The following SHISA3 variants were observed in gnomAD, a reference collection of about 807,000 sequenced individuals.
The protein encoded by SHISA3 is protein shisa-3 homolog.
In SHISA3, 15 loss-of-function variants were observed where a neutral mutation model predicts 19.2. The ratio of observed to expected loss-of-function variants is 0.78; its 90% confidence interval spans 0.52 to 1.20. The LOEUF is 1.20. SHISA3 is among the 50% of genes most tolerant of loss of function. SHISA3 has a pLI of 0.00. For missense variants in SHISA3, 327 were observed against 315.7 expected, an observed-to-expected ratio of 1.04 and a Z score of -0.27; for synonymous variants, 145 against 135.2, an observed-to-expected ratio of 1.07 and a Z score of -0.50.
At position 42,399,229 on chromosome 4, in the gene SHISA3, G is replaced by A. The variant is rs1454339608; in HGVS notation, c.277+896G>A. 2.0e-5 allele frequency among the ~76,000 whole-genome samples: 3 copies of A among 152,166 alleles called. No homozygotes were observed. The East Asian group carries it at 5.8e-4, about 29-fold the overall frequency. ...CACCCCAGGACTCCAGAGAGCCGAG[G>A]TCTGGAGCCCGCAAGAGAAGGTCGC... On this transcript the variant is annotated intron_variant, in intron 1 of 1. Coordinates refer to ENST00000319234, the MANE Select transcript of SHISA3 (RefSeq NM_001080505.3).
chr4:42,401,032 C>G lies in SHISA3; in HGVS notation c.298C>G (p.Leu100Val), dbSNP rs767967783. 2 of 1,614,150 alleles carry G rather than the reference C, an allele frequency of 1.2e-6. No individual in the cohort carries two copies. The highest frequency in any genetic ancestry group is 2.2e-5 in the East Asian group (1 of 44,882). ...ITAQPVYVPF[L>V]IVGSIFIAFI... ...TTTAGAGCCTGTCTACGTCCCCTTT[C>G]TCATCGTCGGCTCCATCTTCATTGC... The change falls in exon 2 of 2, where the codon CTC becomes GTC. Residue 100 changes from leucine (L) to valine (V), a missense_variant. Transcript: ENST00000319234.
chr4:42,401,566 G>A lies in SHISA3; in HGVS notation c.*115G>A. 1.8e-6 allele frequency: 2 copies of A among 1,139,494 alleles called. No individual in the cohort carries two copies. 70.6% of individuals were successfully genotyped at this position (1,139,494 alleles called of 1,614,324 possible). A position where few individuals can be genotyped will look rare whatever the true frequency, so the allele number is the denominator to read the frequency against. Reference sequence around the variant, plus strand: ...CCTTGTAACTGATCAGTGTCATGGAGGAGCATGCTAGGAAAACACAGCACC... The same window carrying A: ...CCTTGTAACTGATCAGTGTCATGGAAGAGCATGCTAGGAAAACACAGCACC... On this transcript the variant is annotated 3_prime_UTR_variant, in exon 2 of 2. Coordinates refer to ENST00000319234, the MANE Select transcript of SHISA3 (RefSeq NM_001080505.3).
In SHISA3 at chr4:42,398,161, G is replaced by A. The variant is rs1432171377; in HGVS notation, c.105G>A (p.Gln35=). 6.2e-7 allele frequency: 1 copy of A among 1,606,990 alleles called. No individual in the cohort carries two copies. The highest frequency in any genetic ancestry group is 1.3e-5 in the African/African-American group (1 of 74,874). ...ACTGCCACGGCTGGGTGGACGTGCA[G>A]GGCAACTACCACGAGGGCTTCCAGT... The part of the protein sequence containing the change: ...GEYCHGWVDV[Q]GNYHEGFQCP... The change falls in exon 1 of 2, where the codon CAG becomes CAA. Residue 35 remains glutamine (Q), a synonymous_variant. Coordinates refer to ENST00000319234, the MANE Select transcript of SHISA3 (RefSeq NM_001080505.3).
rs1247378846 is a variant in SHISA3 at position 42,401,395 on chromosome 4, CT to C, written c.662del (p.Leu221ProfsTer24). On this transcript the variant is annotated frameshift_variant, in exon 2 of 2. Coordinates refer to ENST00000319234, the MANE Select transcript of SHISA3 (RefSeq NM_001080505.3). LOFTEE classifies it high-confidence loss of function. Reference protein sequence around the residue: ...LVSPQYFAYPLQQEPPLPGKS... With the variant: ...LVSPQYFAYPXQQEPPLPGKS... ...GTCACCCCAGTATTTCGCTTACCCC[CT>C]CCAGCAGGAGCCCCCACTGCCTGGG... The C allele has an allele frequency of 1.2e-6, 2 of 1,608,598 alleles. No homozygotes were observed. Among genetic ancestry groups the C allele is most frequent in the South Asian group, 2.2e-5 (2 of 89,444 alleles).
chr4:42,399,378 T>TG (rs1342341895), intron 1 of SHISA3, among the ~76,000 whole-genome samples: 1 of 152,146 alleles, frequency 6.6e-6, no homozygotes, highest in Non-Finnish European at 1.5e-5. Flanking sequence ...GGGTGAATGT[T>TG]GGGGGTCAAC....
At chr4:42,398,461 G>A in intron 1 of SHISA3, 128 bp downstream of exon 1, 3 of 1,022,784 alleles carry the variant, frequency 2.9e-6, no homozygotes, top group Non-Finnish European at 4.1e-6. Flanking sequence ...AGGGGGACGC[G>A]GCCGGGTGGG....
rs1241573689 is a variant in SHISA3, at chr4:42,401,663, CAT to C, written c.*213_*214del. 1.1e-5 allele frequency: 6 copies of C among 529,958 alleles called. No homozygotes were observed. Among genetic ancestry groups the C allele is most frequent in the South Asian group, 3.7e-5 (1 of 27,046 alleles). The allele number at this position is 529,958 out of a possible 1,614,324, so 32.8% of individuals were successfully genotyped here. A position where few individuals can be genotyped will look rare whatever the true frequency, so the allele number is the denominator to read the frequency against. On this transcript the variant is annotated 3_prime_UTR_variant, in exon 2 of 2. Transcript: ENST00000319234. ...GAGAACTGTTTTCTGGTTTTGCAAA[CAT>C]GTGATCATTACATTTCAATCTATGC...
intron 1 of SHISA3, among the ~76,000 whole-genome samples, chr4:42,398,868 C>G (rs946086817): frequency 6.6e-6 from 1 of 152,108 alleles, no homozygotes; most frequent in Admixed American, 6.5e-5. Flanking sequence ...GCCACGGCCC[C>G]GTTCTGCAGA....
rs779971056 is a variant in SHISA3, at chr4:42,398,375, C to A, written c.277+42C>A. ...CGGGGACATATCCCCGCCCGCCTAA[C>A]GGCGGCGGCTGCATGTGTGCGCGGG... is the stretch of plus-strand genomic sequence containing the variant. On this transcript the variant is annotated intron_variant, in intron 1 of 1. Coordinates refer to ENST00000319234, the MANE Select transcript of SHISA3 (RefSeq NM_001080505.3). 17 of 1,472,300 alleles carry A rather than the reference C, an allele frequency of 1.2e-5. No homozygotes were observed. The African/African-American group carries it at 1.8e-4, about 16-fold the overall frequency. The allele number at this position is 1,472,300 out of a possible 1,614,324, so 91.2% of individuals were successfully genotyped here. A position where few individuals can be genotyped will look rare whatever the true frequency, so the allele number is the denominator to read the frequency against.
In SHISA3 at chr4:42,401,431, C is replaced by T. The variant is rs763677740; in HGVS notation, c.697C>T (p.Pro233Ser). The T allele has an allele frequency of 2.5e-5, 39 of 1,582,746 alleles. 1 individual carries two copies. In the South Asian group the frequency reaches 4.3e-4, roughly 17 times the overall value. The change falls in exon 2 of 2, where the codon CCA (proline) becomes TCA (serine). Residue 233 changes from proline to serine, a missense_variant. By Grantham distance (74) the Pro-to-Ser change is moderately conservative. Coordinates refer to ENST00000319234, the MANE Select transcript of SHISA3 (RefSeq NM_001080505.3). Reference sequence around the variant, plus strand: ...GCCCCCACTGCCTGGGAAGAGCTGTCCAGACTTCAGTTCCAGTTGACACGC... The same window carrying T: ...GCCCCCACTGCCTGGGAAGAGCTGTTCAGACTTCAGTTCCAGTTGACACGC... ...QEPPLPGKSC[P>S]DFSSS
intron 1 of SHISA3, among the ~76,000 whole-genome samples, chr4:42,399,894 G>A (rs1216401864): frequency 6.6e-6 from 1 of 152,168 alleles, no homozygotes; most frequent in Non-Finnish European, 1.5e-5. Flanking sequence ...AGAATGGGAG[G>A]GACACAGAAG....
rs117274741 is a variant in SHISA3 at position 42,399,544 on chromosome 4, A to G, written c.277+1211A>G. ...GGGGACCCAGCTGCCCTCTGGGAGTAAGTGCAATTGCCCAGTCTGCAGCAC... is the reference window on the plus strand; with the variant it reads ...GGGGACCCAGCTGCCCTCTGGGAGTGAGTGCAATTGCCCAGTCTGCAGCAC... On this transcript the variant is annotated intron_variant, in intron 1 of 1. Transcript: ENST00000319234. 2.1e-4 allele frequency among the ~76,000 whole-genome samples: 32 copies of G among 152,312 alleles called. No individual in the cohort carries two copies. The East Asian group carries it at 5.4e-3, about 26-fold the overall frequency.
chr4:42,401,069 T>G lies in SHISA3; in HGVS notation c.335T>G (p.Leu112Arg). 1 of 1,614,224 alleles carries G rather than the reference T, an allele frequency of 6.2e-7. No individual in the cohort carries two copies. Among genetic ancestry groups the G allele is most frequent in the Non-Finnish European group, 8.5e-7 (1 of 1,180,044 alleles). Residue 112 changes from leucine (L) to arginine (R), a missense_variant, in exon 2 of 2, where the codon CTG (leucine) becomes CGG (arginine). Coordinates refer to ENST00000319234, the MANE Select transcript of SHISA3 (RefSeq NM_001080505.3). ...VGSIFIAFII[L>R]GSVVAIYCCT... ...TCCATCTTCATTGCGTTCATCATCC[T>G]GGGCTCTGTAGTGGCTATTTATTGT... is the stretch of plus-strand genomic sequence containing the variant.
At chr4:42,399,952 A>G (rs1483157075) in intron 1 of SHISA3, among the ~76,000 whole-genome samples, 1 of 152,232 alleles carries the variant, frequency 6.6e-6, no homozygotes, top group Non-Finnish European at 1.5e-5. Context: ...CCTGTCCCTC[A>G]CTAGCTCTGT....
rs1711792641 is a variant in SHISA3 at position 42,398,017 on chromosome 4, G to T, written c.-40G>T. On this transcript the variant is annotated 5_prime_UTR_variant, in exon 1 of 2. Coordinates refer to ENST00000319234, the MANE Select transcript of SHISA3 (RefSeq NM_001080505.3). ...CCCGGGCTCAGCCCTTCGCTTTCCA[G>T]CTGCGTCCTGCTCCCGGCCGCCCAG... 4 of 1,490,986 alleles carry T rather than the reference G, an allele frequency of 2.7e-6. No homozygotes were observed. Among genetic ancestry groups the T allele is most frequent in the Non-Finnish European group, 2.7e-6 (3 of 1,123,548 alleles). The allele number at this position is 1,490,986 out of a possible 1,614,324, so 92.4% of individuals were successfully genotyped here. A position where few individuals can be genotyped will look rare whatever the true frequency, so the allele number is the denominator to read the frequency against.
Position 42,401,444 on chromosome 4 carries a change from C to G in SHISA3, c.710C>G (p.Ser237Cys), listed in dbSNP as rs1050710155. 1 of 1,569,112 alleles carries G rather than the reference C, an allele frequency of 6.4e-7. No individual in the cohort carries two copies. The highest frequency in any genetic ancestry group is 8.6e-7 in the Non-Finnish European group (1 of 1,158,664). ...GGGAAGAGCTGTCCAGACTTCAGTT[C>G]CAGTTGACACGCCCAGGCCATGAAT... is the stretch of plus-strand genomic sequence containing the variant. The part of the protein sequence containing the change: ...LPGKSCPDFS[S>C]S Residue 237 changes from serine (S) to cysteine (C), a missense_variant, in exon 2 of 2, where the codon TCC becomes TGC. Physicochemically the swap from Ser to Cys is moderately radical, Grantham distance 112. Coordinates refer to ENST00000319234, the MANE Select transcript of SHISA3 (RefSeq NM_001080505.3).
chr4:42,397,963 GGGGA>G lies in SHISA3; in HGVS notation c.-91_-88del. On this transcript the variant is annotated 5_prime_UTR_variant, in exon 1 of 2. Coordinates refer to ENST00000319234, the MANE Select transcript of SHISA3 (RefSeq NM_001080505.3). ...GGCCAGCAGCTTGCGACGTGTCCCT[GGGGA>G]GGCGGAATCGCTGTGCGCCCTGAGC... 1 of 1,261,298 alleles carries G rather than the reference GGGGA, an allele frequency of 7.9e-7. No homozygotes were observed. 78.1% of individuals were successfully genotyped at this position (1,261,298 alleles called of 1,614,324 possible).
Position 42,401,147 on chromosome 4 carries a change from T to G in SHISA3, c.413T>G (p.Leu138Arg). Reference sequence around the variant, plus strand: ...TCGCAGCAGCCAATCCGCTTCTCACTCCGCAGCTATCAGACAGAGACCCTG... The same window carrying G: ...TCGCAGCAGCCAATCCGCTTCTCACGCCGCAGCTATCAGACAGAGACCCTG... ...EPSQQPIRFS[L>R]RSYQTETLPM... Residue 138 changes from leucine to arginine, a missense_variant, in exon 2 of 2, where the codon CTC (leucine) becomes CGC (arginine). By Grantham distance (102) the Leu-to-Arg change is moderately radical (BLOSUM62 -2). Coordinates refer to ENST00000319234, the MANE Select transcript of SHISA3 (RefSeq NM_001080505.3). The G allele has an allele frequency of 6.2e-7, 1 of 1,614,156 alleles. No individual in the cohort carries two copies. Among genetic ancestry groups the G allele is most frequent in the Non-Finnish European group, 8.5e-7 (1 of 1,180,034 alleles).
In SHISA3 at chr4:42,401,542, CT is replaced by C; in HGVS notation, c.*93del. The C allele has an allele frequency of 1.4e-6, 2 of 1,383,864 alleles. No individual in the cohort carries two copies. Among genetic ancestry groups the C allele is most frequent in the Admixed American group, 2.4e-5 (1 of 42,336 alleles). 85.7% of individuals were successfully genotyped at this position (1,383,864 alleles called of 1,614,324 possible). On this transcript the variant is annotated 3_prime_UTR_variant, in exon 2 of 2. Coordinates refer to ENST00000319234, the MANE Select transcript of SHISA3 (RefSeq NM_001080505.3). ...CACATGCAATTCTGAGAAAATTTCC[CT>C]TGTAACTGATCAGTGTCATGGAGGA...
Sources: allele counts gnomAD v4.1 joint callset (sites outside exome capture counted in the v4.1 genomes callset), GRCh38; gene constraint gnomAD v4.1.1; transcripts MANE v1.5; gene names NCBI Gene and HGNC (gene_info 2026-07-23, HGNC 2026-07-21).